Variants in MYPN observed in about 807,000 individuals in gnomAD.
MYPN encodes the protein myopalladin.
MYPN carries 63 observed loss-of-function variants against 129.4 expected under a neutral mutation model. That is an observed-to-expected ratio of 0.49 (90% CI 0.40 to 0.60). MYPN has a LOEUF of 0.60. MYPN is among the 20% of genes least tolerant of loss of function. The pLI is 0.00. For synonymous variants in MYPN, 629 were observed against 600.9 expected (o/e 1.05, Z -0.68); for missense variants, 1,596 against 1,635.4 (o/e 0.98, Z 0.42).
At position 68,207,144 on chromosome 10, in the gene MYPN, G is replaced by C. The variant is rs10823157; in HGVS notation, c.3793+241G>C. ...ATGGTGGCACACACCTGTAATCCCA[G>C]CTACTCGGGCAGCTGAGGCAGAAGA... On this transcript the variant is annotated intron_variant, in intron 19 of 19. Transcript: ENST00000358913. 0.73 allele frequency among the ~76,000 whole-genome samples: 110,473 copies of C among 151,836 alleles called. 40,505 individuals carry two copies. Among genetic ancestry groups the C allele is most frequent in the African/African-American group, 0.77 (31,805 of 41,402 alleles).
intron 8 of MYPN, among the ~76,000 whole-genome samples, chr10:68,163,490 G>A (rs1031592470): frequency 3.3e-5 from 5 of 151,436 alleles, no homozygotes; most frequent in Non-Finnish European, 7.4e-5. Flanking sequence ...TTAGCCCGGC[G>A]TGGTGGCGGA....
intron 2 of MYPN, among the ~76,000 whole-genome samples, chr10:68,125,958 T>C (rs954866201): frequency 6.6e-6 from 1 of 152,066 alleles, no homozygotes; most frequent in African/African-American, 2.4e-5. Flanking sequence ...CAGTATTATG[T>C]AATAAGGGCT....
At chr10:68,162,841 T>C (rs1019104936) in intron 8 of MYPN, among the ~76,000 whole-genome samples, 1 of 151,736 alleles carries the variant, frequency 6.6e-6, no homozygotes, top group Non-Finnish European at 1.5e-5. Context: ...GGTTTTGGAG[T>C]GGGTTGAAGA....
chr10:68,091,685 T>G (rs1312040798), intron 1 of MYPN, among the ~76,000 whole-genome samples: 2 of 151,844 alleles, frequency 1.3e-5, no homozygotes, highest in African/African-American at 4.8e-5. Context: ...CATGAGCAAC[T>G]GCGCCCAGCC....
At chr10:68,208,167 T>C (rs1292192779) in intron 19 of MYPN, among the ~76,000 whole-genome samples, 1 of 152,202 alleles carries the variant, frequency 6.6e-6, no homozygotes, top group East Asian at 1.9e-4. Context: ...TTTTTAATCC[T>C]TTTTGAAAAA....
In MYPN at chr10:68,199,347, A is replaced by G. The variant is rs762714859; in HGVS notation, c.3286-21A>G. On this transcript the variant is annotated intron_variant, in intron 16 of 19. Transcript: ENST00000358913. ...GTGCCTGTCATCAGTCATGTGCCTC[A>G]GCTGTTCTGTTGTTTATTAGGTGAG... 5 of 1,612,010 alleles carry G rather than the reference A, an allele frequency of 3.1e-6. 1 individual carries two copies. The highest frequency in any genetic ancestry group is 2.2e-5 in the South Asian group (2 of 90,964).
chr10:68,156,421 G>A (rs535648884), intron 6 of MYPN, among the ~76,000 whole-genome samples: 91 of 152,188 alleles, frequency 6.0e-4, no homozygotes, highest in African/African-American at 2.0e-3. Flanking sequence ...TAGATGTTTC[G>A]GGAAGACAAA....
At chr10:68,207,360 C>T (rs903469343) in intron 19 of MYPN, among the ~76,000 whole-genome samples, 2 of 152,142 alleles carry the variant, frequency 1.3e-5, no homozygotes, top group African/African-American at 4.8e-5. Context: ...TAAAAGTCAT[C>T]TCATCCTGGT....
At chr10:68,094,533 A>C (rs1273596864) in intron 1 of MYPN, among the ~76,000 whole-genome samples, 1 of 152,068 alleles carries the variant, frequency 6.6e-6, no homozygotes, top group Non-Finnish European at 1.5e-5. Flanking sequence ...AAGCGCTGGG[A>C]TTACAAGCGT....
At position 68,211,336 on chromosome 10, in the gene MYPN, G is replaced by A. The variant is rs905809073; in HGVS notation, c.*881G>A. The stretch of plus-strand genomic sequence containing the variant: ...TTTGCCCATAAAATACACCTCATGG[G>A]CTCCTACCCCTTTCCCCAAAAGTCT... On this transcript the variant is annotated 3_prime_UTR_variant, in exon 20 of 20. Transcript: ENST00000358913. The A allele has an allele frequency of 2.2e-6, 1 of 453,844 alleles. No homozygotes were observed. Among genetic ancestry groups the A allele is most frequent in the South Asian group, 1.6e-5 (1 of 64,440 alleles). 28.1% of individuals were successfully genotyped at this position (453,844 alleles called of 1,614,324 possible). A position where few individuals can be genotyped will look rare whatever the true frequency, so the allele number is the denominator to read the frequency against.
chr10:68,182,362 C>CAT (rs1260703720), intron 12 of MYPN, among the ~76,000 whole-genome samples: 1 of 118,740 alleles, frequency 8.4e-6, no homozygotes, highest in Non-Finnish European at 1.8e-5. Context: ...ATATATAACA[C>CAT]ATATATATAA....
rs758603536 is a variant in MYPN at position 68,153,922 on chromosome 10, GT to G, written c.1317+3825del. ...CTTTGCCAATCGTGGCAAGAAGCCAGTTTTTTTTTTTTTTAAAGCAACGCTT... is the reference window on the plus strand; with the variant it reads ...CTTTGCCAATCGTGGCAAGAAGCCAGTTTTTTTTTTTTTAAAGCAACGCTT... On this transcript the variant is annotated intron_variant, in intron 6 of 19. Coordinates refer to ENST00000358913, the MANE Select transcript of MYPN (RefSeq NM_032578.4). Among the ~76,000 whole-genome samples, 306 of 145,046 alleles carry G rather than the reference GT, an allele frequency of 2.1e-3. 2 individuals carry two copies. In the East Asian group the frequency reaches 0.026, roughly 12 times the overall value.
At chr10:68,092,859 C>G (rs890241731) in intron 1 of MYPN, among the ~76,000 whole-genome samples, 2 of 152,058 alleles carry the variant, frequency 1.3e-5, no homozygotes, top group Non-Finnish European at 2.9e-5. Context: ...GTAACTGAAG[C>G]ATGTAGAATG....
At chr10:68,149,144 C>T (rs1005021218) in intron 5 of MYPN, among the ~76,000 whole-genome samples, 2 of 139,988 alleles carry the variant, frequency 1.4e-5, no homozygotes, top group Non-Finnish European at 3.0e-5. Flanking sequence ...GGGATGATCA[C>T]TTGAGCCTGA....
chr10:68,211,032 G>A lies in MYPN; in HGVS notation c.*577G>A, dbSNP rs1001236714. 3 of 454,072 alleles carry A rather than the reference G, an allele frequency of 6.6e-6. No homozygotes were observed. Among genetic ancestry groups the A allele is most frequent in the South Asian group, 4.7e-5 (3 of 64,480 alleles). The allele number at this position is 454,072 out of a possible 1,614,324, so 28.1% of individuals were successfully genotyped here. ...TTGATTTGCATATCCTGGGTGTACT[G>A]AGCCACATAATAAGGTGTCAAAATG... On this transcript the variant is annotated 3_prime_UTR_variant, in exon 20 of 20. Transcript: ENST00000358913.
rs571343328 is a variant in MYPN, at chr10:68,100,460, C to T, written c.-2+12468C>T. 8.5e-5 allele frequency among the ~76,000 whole-genome samples: 13 copies of T among 152,128 alleles called. No individual in the cohort carries two copies. The South Asian group carries it at 1.2e-3, about 15-fold the overall frequency. ...GCTTGAGTGGGATCCCCAAAACCAG[C>T]GCATGAGAATGAACAGAACTGCCCA... On this transcript the variant is annotated intron_variant, in intron 1 of 6. Coordinates refer to the MYPN transcript ENST00000685154.
At chr10:68,144,479 T>C (rs2042629493) in intron 3 of MYPN, among the ~76,000 whole-genome samples, 2 of 152,168 alleles carry the variant, frequency 1.3e-5, no homozygotes, top group African/African-American at 4.8e-5. Context: ...AATAAATACA[T>C]GAATAGAAAT....
chr10:68,202,287 G>T (rs376359849), intron 18 of MYPN, among the ~76,000 whole-genome samples: 356 of 152,152 alleles, frequency 2.3e-3, no homozygotes, highest in African/African-American at 8.0e-3. Context: ...CAAAAAATTA[G>T]CCAGGCGTGG....
At chr10:68,090,461 G>A (rs2041925923) in intron 1 of MYPN, among the ~76,000 whole-genome samples, 1 of 152,174 alleles carries the variant, frequency 6.6e-6, no homozygotes, top group South Asian at 2.1e-4. Flanking sequence ...CACCGCGCCA[G>A]GCCTCAATGA....
Sources: gnomAD v4.1 joint callset for allele counts (sites outside exome capture counted in the v4.1 genomes callset) on GRCh38, gnomAD v4.1.1 for gene constraint, MANE v1.5 for transcripts, NCBI Gene and HGNC (gene_info 2026-07-23, HGNC 2026-07-21) for gene names.